The following TM9SF4 variants were observed in gnomAD, a reference collection of about 807,000 sequenced individuals.
TM9SF4 encodes the protein transmembrane 9 superfamily member 4, also known as dinucleotide oxidase disulfide thiol exchanger 3 superfamily member 4.
A neutral mutation model predicts 90.4 loss-of-function variants in TM9SF4; 26 were observed. The observed-to-expected ratio is 0.29, with a 90% CI of 0.21 to 0.40. The LOEUF is 0.40. TM9SF4 is among the 10% of genes least tolerant of loss of function. The pLI, the probability that TM9SF4 is intolerant of heterozygous loss-of-function variation, is 1.00. For missense variants in TM9SF4, 549 were observed against 834.8 expected, an observed-to-expected ratio of 0.66 and a Z score of 4.22; for synonymous variants, 293 against 315.4, an observed-to-expected ratio of 0.93 and a Z score of 0.75.
At chr20:32,150,985 A>C in intron 12 of TM9SF4, 110 bp downstream of exon 12, 1 of 1,291,434 alleles carries the variant, frequency 7.7e-7, no homozygotes, top group East Asian at 2.5e-5. Flanking sequence ...CCAGAAGCTG[A>C]GCAGCAGCAA....
At chr20:32,161,204 A>G (rs2047013519) in intron 16 of TM9SF4, 72 bp from the exon 17 acceptor site, 1 of 1,341,408 alleles carries the variant, frequency 7.5e-7, no homozygotes, top group Non-Finnish European at 1.1e-6. Flanking sequence ...TCAGCCCCTC[A>G]AGCAACTGTG....
intron 8 of TM9SF4, 82 bp downstream of exon 8, chr20:32,145,505 C>A: frequency 7.9e-7 from 1 of 1,273,114 alleles, no homozygotes; most frequent in African/African-American, 1.5e-5. Context: ...TGGGGGACTT[C>A]CAGGGTGTTC....
chr20:32,130,330 G>C (rs2122365868), intron 1 of TM9SF4, among the ~76,000 whole-genome samples: 1 of 152,256 alleles, frequency 6.6e-6, no homozygotes, highest in South Asian at 2.1e-4. Context: ...ATTTAAGCTT[G>C]AGGTGTTTTG....
intron 3 of TM9SF4, among the ~76,000 whole-genome samples, chr20:32,140,940 T>C (rs995059540): frequency 1.3e-5 from 2 of 152,020 alleles, no homozygotes; most frequent in East Asian, 1.9e-4. Flanking sequence ...GATGCTTGGC[T>C]GGGCGCGGTG....
chr20:32,116,116 C>T (rs911996482), intron 1 of TM9SF4: 1 of 152,204 alleles, frequency 6.6e-6, no homozygotes, highest in African/African-American at 2.4e-5. Flanking sequence ...GCCACCATGC[C>T]TGGCCCACTT....
intron 1 of TM9SF4, among the ~76,000 whole-genome samples, chr20:32,125,030 A>G (rs920922472): frequency 4.6e-5 from 7 of 152,178 alleles, no homozygotes; most frequent in Non-Finnish European, 1.0e-4. Context: ...GCTTCAAGGG[A>G]GGTCATGAGA....
intron 15 of TM9SF4, 21 bp downstream of exon 15, chr20:32,158,535 C>T (rs768028705): frequency 1.2e-6 from 2 of 1,613,366 alleles, no homozygotes; most frequent in African/African-American, 1.3e-5. Context: ...GTGCCTCCCC[C>T]ACCCCTCCAC....
At chr20:32,163,479 G>A (rs1471047324) in intron 17 of TM9SF4, among the ~76,000 whole-genome samples, 5 of 150,242 alleles carry the variant, frequency 3.3e-5, no homozygotes, top group Non-Finnish European at 5.9e-5. Flanking sequence ...ACTGTCTTTC[G>A]TCTACCATGA....
intron 1 of TM9SF4, among the ~76,000 whole-genome samples, chr20:32,123,215 GGGA>G (rs1569053868): frequency 4.4e-5 from 1 of 22,622 alleles, no homozygotes; most frequent in Non-Finnish European, 9.5e-5. Flanking sequence ...AGGGGGAGGG[GGGA>G]GGGGGAGAGG....
chr20:32,135,538 G>C (rs1367391503), intron 2 of TM9SF4, among the ~76,000 whole-genome samples: 2 of 152,180 alleles, frequency 1.3e-5, no homozygotes, highest in Non-Finnish European at 2.9e-5. Context: ...CAGTCCAGTG[G>C]ATACCGGGGA....
At chr20:32,131,128 T>C (rs932521875) in intron 1 of TM9SF4, among the ~76,000 whole-genome samples, 1 of 152,220 alleles carries the variant, frequency 6.6e-6, no homozygotes, top group African/African-American at 2.4e-5. Flanking sequence ...ATTTTCCTGC[T>C]CTCCTGATTC....
chr20:32,117,850 C>G (rs1002700634), intron 1 of TM9SF4, among the ~76,000 whole-genome samples: 2 of 152,110 alleles, frequency 1.3e-5, no homozygotes, highest in African/African-American at 4.8e-5. Flanking sequence ...AGCAAAATGA[C>G]GTTGAATGGG....
chr20:32,138,236 G>A (rs143343857), intron 3 of TM9SF4, among the ~76,000 whole-genome samples: 2 of 152,288 alleles, frequency 1.3e-5, no homozygotes, highest in Non-Finnish European at 2.9e-5. Flanking sequence ...ATGGCATGGT[G>A]TATGTATTGG....
chr20:32,160,949 CAAAAAAAAAAAAA>C (rs34767421), intron 16 of TM9SF4: 1,440 of 41,786 alleles, frequency 0.034, 43 homozygotes, highest in African/African-American at 0.11. Flanking sequence ...GACTCCATCT[CAAAAAAAAAAAAA>C]AAAAAAAAAA....
chr20:32,149,344 A>T (rs2046808340), intron 9 of TM9SF4, among the ~76,000 whole-genome samples: 1 of 152,218 alleles, frequency 6.6e-6, no homozygotes, highest in African/African-American at 2.4e-5. Context: ...TCACCACCCA[A>T]GAACTCTTAC....
intron 2 of TM9SF4, among the ~76,000 whole-genome samples, chr20:32,134,919 C>T (rs532089837): frequency 2.0e-4 from 31 of 152,080 alleles, no homozygotes; most frequent in South Asian, 1.2e-3. Context: ...GTGATCTGCC[C>T]GCCTCACCCT....
intron 13 of TM9SF4, among the ~76,000 whole-genome samples, chr20:32,156,583 G>A (rs149407111): frequency 3.9e-5 from 6 of 152,296 alleles, no homozygotes; most frequent in African/African-American, 1.4e-4. Context: ...ATACTATATT[G>A]TTTTTTAATT....
intron 1 of TM9SF4, among the ~76,000 whole-genome samples, chr20:32,124,149 T>C (rs2046384617): frequency 6.6e-6 from 1 of 152,106 alleles, no homozygotes; most frequent in African/African-American, 2.4e-5. Context: ...TGAGCCTCCA[T>C]GCCTGGCCTG....
intron 1 of TM9SF4, among the ~76,000 whole-genome samples, chr20:32,124,178 T>C (rs906675192): frequency 6.6e-5 from 10 of 152,170 alleles, no homozygotes; most frequent in African/African-American, 2.2e-4. Flanking sequence ...TACATTTTAA[T>C]GTTTAGTAAA....
Sources: gnomAD v4.1 joint callset for allele counts (sites outside exome capture counted in the v4.1 genomes callset) on GRCh38, gnomAD v4.1.1 for gene constraint, MANE v1.5 for transcripts, NCBI Gene and HGNC (gene_info 2026-07-23, HGNC 2026-07-21) for gene names.